The following TOM1 variants were observed in gnomAD, a reference collection of about 807,000 sequenced individuals.
TOM1 encodes target of myb1 membrane trafficking protein, also known as target of Myb protein 1.
In TOM1, 38 loss-of-function variants were observed where a neutral mutation model predicts 61.3. The ratio of observed to expected loss-of-function variants is 0.62; its 90% CI spans 0.48 to 0.81. The LOEUF (loss-of-function observed/expected upper bound fraction) is 0.81, where lower values mean the gene tolerates loss of function less well. Ranked by LOEUF, TOM1 falls within the 40% of genes least tolerant of loss-of-function variation. The probability of loss-of-function intolerance (pLI) is 0.00; values close to 1 mark genes in which losing one functional copy is unlikely to be tolerated. For synonymous variants in TOM1, 270 were observed against 268.8 expected (o/e 1.00, Z -0.04); for missense variants, 591 against 659.6 (o/e 0.90, Z 1.14).
In TOM1 at chr22:35,327,281, T is replaced by C; in HGVS notation, c.659T>C (p.Leu220Pro). Residue 220 changes from leucine to proline, a missense_variant, in exon 7 of 15, where the codon CTG (leucine) becomes CCG (proline). Physicochemically the swap from Leu to Pro is moderately conservative, Grantham distance 98 (BLOSUM62 -3). Transcript: ENST00000449058. ...AACTGTGTGTTTCAGATTGGGAAGC[T>C]GCGCAGTGAGCTGGAGATGGTGAGT... is the stretch of plus-strand genomic sequence containing the variant. ...IAPTPEQIGK[L>P]RSELEMVSGN... 6.2e-7 allele frequency: 1 copy of C among 1,613,944 alleles called. No individual in the cohort carries two copies. Among genetic ancestry groups the C allele is most frequent in the Non-Finnish European group, 8.5e-7 (1 of 1,179,918 alleles).
intron 10 of TOM1, among the ~76,000 whole-genome samples, chr22:35,334,049 C>G (rs555549699): frequency 7.9e-5 from 12 of 152,350 alleles, no homozygotes; most frequent in African/African-American, 2.9e-4. Flanking sequence ...TACTGTCCTC[C>G]TGCCCAGCCA....
intron 1 of TOM1, among the ~76,000 whole-genome samples, chr22:35,316,340 C>T (rs894827739): frequency 1.3e-5 from 2 of 152,250 alleles, no homozygotes; most frequent in Non-Finnish European, 2.9e-5. Flanking sequence ...CTGCAAGAAA[C>T]AGGGCACAAA....
rs549878713 is a variant in TOM1, at chr22:35,342,801, A to G, written c.1225-2924A>G. Among the ~76,000 whole-genome samples the G allele has an allele frequency of 4.8e-5, 6 of 125,858 alleles. No individual in the cohort carries two copies. In the South Asian group the frequency reaches 1.5e-3, roughly 32 times the overall value. The allele number at this position is 125,858 out of a possible 152,430, so 82.6% of individuals were successfully genotyped here. A position where few individuals can be genotyped will look rare whatever the true frequency, so the allele number is the denominator to read the frequency against. On this transcript the variant is annotated intron_variant, in intron 12 of 14. Transcript: ENST00000449058. ...ACCCACCACACACACCTCCACACAC[A>G]CCTACACTCATACACCTACACAGAC... is the stretch of plus-strand genomic sequence containing the variant.
At chr22:35,304,480 T>C (rs28433170) in intron 1 of TOM1, among the ~76,000 whole-genome samples, 1 of 152,146 alleles carries the variant, frequency 6.6e-6, no homozygotes, top group Non-Finnish European at 1.5e-5. Context: ...TTTTGTTTTT[T>C]GTTTTTTGTT....
chr22:35,346,228 G>C (rs1294226921), intron 13 of TOM1, among the ~76,000 whole-genome samples: 1 of 152,228 alleles, frequency 6.6e-6, no homozygotes, highest in Non-Finnish European at 1.5e-5. Flanking sequence ...GAGGGCGGGT[G>C]CCAGTCATGG....
At chr22:35,338,908 G>C (rs1281329389) in intron 12 of TOM1, 120 bp downstream of exon 12, 1 of 926,852 alleles carries the variant, frequency 1.1e-6, no homozygotes, top group African/African-American at 1.7e-5. Context: ...GCCCTTCCTC[G>C]TTTGGCCGTC....
intron 11 of TOM1, among the ~76,000 whole-genome samples, chr22:35,338,086 C>T (rs1163608464): frequency 1.3e-5 from 2 of 152,170 alleles, no homozygotes; most frequent in African/African-American, 2.4e-5. Context: ...CAGCCTCTGC[C>T]GCTCCCAGCC....
intron 1 of TOM1, among the ~76,000 whole-genome samples, chr22:35,316,379 G>A (rs905806907): frequency 2.6e-5 from 4 of 152,246 alleles, no homozygotes; most frequent in Non-Finnish European, 5.9e-5. Context: ...GTTGACGCGT[G>A]AAGATAGCAT....
Position 35,323,186 on chromosome 22 carries a change from C to T in TOM1, c.366+9C>T. 9 of 1,612,910 alleles carry T rather than the reference C, an allele frequency of 5.6e-6. No individual in the cohort carries two copies. The highest frequency in any genetic ancestry group is 7.6e-6 in the Non-Finnish European group (9 of 1,179,966). ...TGCTCAACCTCATCCAGGTGAGTGC[C>T]AGGACAGGGCAGGGCACGGCCAGGA... On this transcript the variant is annotated intron_variant, in intron 4 of 14. Transcript: ENST00000449058. This position sits in a 1 kb window ranked among gnomAD's most constrained non-coding sequence, Gnocchi z 4.2.
In TOM1 at chr22:35,299,964, A is replaced by G; in HGVS notation, c.36A>G (p.Pro12=). The change falls in exon 1 of 15, where the codon CCA becomes CCG. Residue 12 remains proline (P), a synonymous_variant. Transcript: ENST00000449058. ...DFLLGNPFSS[P]VGQRIEKATD... is the part of the protein sequence containing the mutation. ...TCCTGGGGAACCCGTTCAGCTCTCC[A>G]GTGGGACAGCGCATCGGTGAGTCCC... 6.3e-7 allele frequency: 1 copy of G among 1,580,270 alleles called. No individual in the cohort carries two copies. Among genetic ancestry groups the G allele is most frequent in the South Asian group, 1.1e-5 (1 of 87,056 alleles).
At chr22:35,318,084 C>A in intron 2 of TOM1, 123 bp downstream of exon 2, 2 of 876,700 alleles carry the variant, frequency 2.3e-6, no homozygotes, top group South Asian at 1.4e-5. Context: ...CAAGTCTGAC[C>A]CAACCCGCTT....
At chr22:35,316,279 A>G (rs930085488) in intron 1 of TOM1, among the ~76,000 whole-genome samples, 1 of 152,248 alleles carries the variant, frequency 6.6e-6, no homozygotes, top group African/African-American at 2.4e-5. Context: ...ACAGTCCTCC[A>G]TGTAGTCACA....
At chr22:35,328,779 C>T (rs1044711516) in intron 7 of TOM1, among the ~76,000 whole-genome samples, 2 of 152,202 alleles carry the variant, frequency 1.3e-5, no homozygotes, top group African/African-American at 2.4e-5. Context: ...CGAGCCTCAG[C>T]GTTGCCTCCA....
chr22:35,312,492 G>A (rs1205987186), intron 1 of TOM1, among the ~76,000 whole-genome samples: 1 of 152,202 alleles, frequency 6.6e-6, no homozygotes, highest in Admixed American at 6.5e-5. Context: ...ACATAGCATC[G>A]TGGTTATGAA....
intron 2 of TOM1, among the ~76,000 whole-genome samples, chr22:35,319,499 C>T (rs528336744): frequency 6.6e-6 from 1 of 152,338 alleles, no homozygotes; most frequent in East Asian, 1.9e-4. Flanking sequence ...GGGCCCACAG[C>T]AGTGGCAAGG....
At chr22:35,324,696 G>A (rs996764031) in intron 6 of TOM1, among the ~76,000 whole-genome samples, 11 of 152,252 alleles carry the variant, frequency 7.2e-5, no homozygotes, top group Admixed American at 2.6e-4. Context: ...CTACAGGCAT[G>A]AGCCACCATG....
At chr22:35,300,879 A>G (rs983673207) in intron 1 of TOM1, among the ~76,000 whole-genome samples, 1 of 148,298 alleles carries the variant, frequency 6.7e-6, no homozygotes, top group East Asian at 2.0e-4. Flanking sequence ...AATGCCTGGT[A>G]CATGGCCAGT....
At position 35,334,394 on chromosome 22, in the gene TOM1, A is replaced by C. The variant is rs944796541; in HGVS notation, c.1094A>C (p.Glu365Ala). 1 of 1,613,964 alleles carries C rather than the reference A, an allele frequency of 6.2e-7. No individual in the cohort carries two copies. The highest frequency in any genetic ancestry group is 1.3e-5 in the African/African-American group (1 of 74,900). Residue 365 changes from glutamate to alanine, a missense_variant, in exon 11 of 15, where the codon GAG (glutamate) becomes GCG (alanine). Glu to Ala is a moderately radical substitution (Grantham distance 107). Transcript: ENST00000449058. ...SLEASGRLEDEFDMFALTRGS... is the reference protein window; with the variant it reads ...SLEASGRLEDAFDMFALTRGS... ...GAGGCCTCTGGTCGACTGGAAGATG[A>C]GTTTGACATGTTTGCGCTGACACGG...
At chr22:35,310,900 T>C (rs1210749109) in intron 1 of TOM1, among the ~76,000 whole-genome samples, 3 of 151,704 alleles carry the variant, frequency 2.0e-5, no homozygotes, top group Non-Finnish European at 4.4e-5. Context: ...GTGCTTAGAG[T>C]TGTGGTCTGT....
Sources: gnomAD v4.1 joint callset for allele counts (sites outside exome capture counted in the v4.1 genomes callset) on GRCh38, gnomAD v4.1.1 for gene constraint, Gnocchi (gnomAD v3.1) non-coding constraint, MANE v1.5 for transcripts, NCBI Gene and HGNC (gene_info 2026-07-23, HGNC 2026-07-21) for gene names.